The following PALM2AKAP2 variants were observed in gnomAD, a reference collection of about 807,000 sequenced individuals.
PALM2AKAP2 encodes the protein PALM2-AKAP2 fusion protein.
PALM2AKAP2 carries 37 observed loss-of-function variants against 71.5 expected under a neutral mutation model. The observed-to-expected ratio is 0.52, with a 90% CI of 0.40 to 0.68. The LOEUF is 0.68. Ranked by LOEUF, PALM2AKAP2 falls within the 30% of genes least tolerant of loss-of-function variation. The pLI is 0.00. For missense variants in PALM2AKAP2, 1,224 were observed against 1,191.8 expected (o/e 1.03, Z -0.40); for synonymous variants, 468 against 478.8 (o/e 0.98, Z 0.29).
intron 3 of PALM2AKAP2, among the ~76,000 whole-genome samples, chr9:109,895,999 C>T (rs1020738525): frequency 6.6e-6 from 1 of 152,056 alleles, no homozygotes; most frequent in Non-Finnish European, 1.5e-5. Context: ...GCTTGGCCAA[C>T]ATGGTGAAAC....
At chr9:110,104,861 A>G (rs190463580) in intron 1 of PALM2AKAP2, among the ~76,000 whole-genome samples, 229 of 152,344 alleles carry the variant, frequency 1.5e-3, no homozygotes, top group African/African-American at 5.4e-3. Context: ...CATTCATTCT[A>G]TCTTCCTGGA....
intron 6 of PALM2AKAP2, among the ~76,000 whole-genome samples, chr9:110,004,330 T>C (rs939984844): frequency 6.6e-6 from 1 of 152,258 alleles, no homozygotes; most frequent in Non-Finnish European, 1.5e-5. Flanking sequence ...TTGAAAATTC[T>C]TTCCTTTAAG....
intron 2 of PALM2AKAP2, among the ~76,000 whole-genome samples, chr9:110,151,065 A>C (rs1036820233): frequency 6.6e-6 from 1 of 152,194 alleles, no homozygotes; most frequent in Non-Finnish European, 1.5e-5. Context: ...CTGTGTGCCC[A>C]TACTTACTTA....
intron 6 of PALM2AKAP2, among the ~76,000 whole-genome samples, chr9:109,986,201 G>A (rs1474036297): frequency 6.6e-6 from 1 of 152,164 alleles, no homozygotes; most frequent in Non-Finnish European, 1.5e-5. Flanking sequence ...ATAGAGCTGC[G>A]TGAAAGTTTA....
chr9:110,086,683 C>T (rs1015721684), intron 1 of PALM2AKAP2, among the ~76,000 whole-genome samples: 1 of 152,158 alleles, frequency 6.6e-6, no homozygotes, highest in African/African-American at 2.4e-5. Flanking sequence ...CACTTTTGGC[C>T]CAGTTGGCAC....
chr9:110,024,851 T>C, intron 7 of PALM2AKAP2: 1 of 724,420 alleles, frequency 1.4e-6, no homozygotes, highest in South Asian at 1.5e-5. Context: ...AGCCCAGAGG[T>C]CTTTTATTTA....
chr9:110,046,336 T>C (rs1158950802), upstream of PALM2AKAP2, among the ~76,000 whole-genome samples: 1 of 152,200 alleles, frequency 6.6e-6, no homozygotes, highest in East Asian at 1.9e-4. Flanking sequence ...AAGCATATAT[T>C]TTTCCTAAAT....
At chr9:109,675,320 A>T (rs1827633174) in intron 1 of PALM2AKAP2, among the ~76,000 whole-genome samples, 1 of 152,150 alleles carries the variant, frequency 6.6e-6, no homozygotes, top group Non-Finnish European at 1.5e-5. Context: ...CAAACATCTT[A>T]AGCCCATTAT....
chr9:110,037,600 A>G (rs923422094), intron 7 of PALM2AKAP2, among the ~76,000 whole-genome samples: 3 of 152,208 alleles, frequency 2.0e-5, no homozygotes, highest in Admixed American at 6.5e-5. Context: ...TATGTAGATT[A>G]CACTTCAGTA....
At chr9:110,163,307 T>C (rs1836649810) in intron 3 of PALM2AKAP2, among the ~76,000 whole-genome samples, 1 of 152,138 alleles carries the variant, frequency 6.6e-6, no homozygotes, top group South Asian at 2.1e-4. Flanking sequence ...AATACAGCAG[T>C]CAACAAAACA....
chr9:110,156,732 G>A (rs1284197397), intron 3 of PALM2AKAP2, among the ~76,000 whole-genome samples: 1 of 152,188 alleles, frequency 6.6e-6, no homozygotes, highest in Non-Finnish European at 1.5e-5. Context: ...AAGTATAGCT[G>A]GAGTCGACCA....
At chr9:110,053,744 T>C (rs1833768549) in intron 1 of PALM2AKAP2, among the ~76,000 whole-genome samples, 2 of 152,010 alleles carry the variant, frequency 1.3e-5, no homozygotes, top group Admixed American at 6.6e-5. Flanking sequence ...TAGCTTCTTT[T>C]GAGTAGGTTT....
chr9:109,757,149 C>T (rs1410196), intron 1 of PALM2AKAP2, among the ~76,000 whole-genome samples: 129,811 of 152,122 alleles, frequency 0.85, 55,808 homozygotes, highest in African/African-American at 0.96. Flanking sequence ...TTCTAGTAAC[C>T]ATCATTCTAA....
intron 1 of PALM2AKAP2, among the ~76,000 whole-genome samples, chr9:109,801,955 A>T (rs964088519): frequency 1.1e-4 from 16 of 152,200 alleles, no homozygotes; most frequent in Admixed American, 9.8e-4. Flanking sequence ...AATCAACCAG[A>T]TCAAGTTCCT....
chr9:109,887,454 C>A (rs1188791364), intron 3 of PALM2AKAP2, among the ~76,000 whole-genome samples: 1 of 152,148 alleles, frequency 6.6e-6, no homozygotes, highest in Non-Finnish European at 1.5e-5. Flanking sequence ...CTTTTGTTTC[C>A]TTCCAAAATA....
intron 1 of PALM2AKAP2, among the ~76,000 whole-genome samples, chr9:109,708,418 A>G (rs1315622503): frequency 6.6e-6 from 1 of 152,230 alleles, no homozygotes; most frequent in Non-Finnish European, 1.5e-5. Context: ...CCCAAATTCT[A>G]TGACAATGAT....
At chr9:110,150,535 C>G (rs931408567) in intron 2 of PALM2AKAP2, among the ~76,000 whole-genome samples, 1 of 152,170 alleles carries the variant, frequency 6.6e-6, no homozygotes, top group African/African-American at 2.4e-5. Flanking sequence ...ACATCAGACC[C>G]AACTGGATAT....
rs555537851 is a variant in PALM2AKAP2 at position 110,060,182 on chromosome 9, G to A, written c.156+11327G>A. 9.3e-4 allele frequency among the ~76,000 whole-genome samples: 142 copies of A among 152,116 alleles called. 1 individual carries two copies. Among genetic ancestry groups the A allele is most frequent in the African/African-American group, 3.3e-3 (135 of 41,482 alleles). On this transcript the variant is annotated intron_variant, in intron 1 of 3. Coordinates refer to ENST00000374525, the Ensembl canonical transcript of PALM2AKAP2. ...GGCTGGAATGCAATGGTGCGATTTC[G>A]GCTCACTGCAACCTCCGCCTCCTGT...
At chr9:109,892,354 A>C (rs915576842) in intron 3 of PALM2AKAP2, among the ~76,000 whole-genome samples, 7 of 152,254 alleles carry the variant, frequency 4.6e-5, no homozygotes, top group African/African-American at 1.4e-4. Flanking sequence ...CATTGGATTT[A>C]GGGCCCTCCT....
Sources: allele counts gnomAD v4.1 joint callset (sites outside exome capture counted in the v4.1 genomes callset), GRCh38; gene constraint gnomAD v4.1.1; transcripts MANE v1.5; gene names NCBI Gene and HGNC (gene_info 2026-07-23, HGNC 2026-07-21).